Variants in MICAL2 observed in about 807,000 individuals in gnomAD.
MICAL2 encodes the protein microtubule associated monooxygenase, calponin and LIM domain containing 2, also known as [F-actin]-monooxygenase MICAL2.
In MICAL2, 77 loss-of-function variants were observed where a neutral mutation model predicts 127.3. The observed-to-expected ratio is 0.60, with a 90% CI of 0.50 to 0.73. The LOEUF is 0.73. Among genes scored for constraint, MICAL2 ranks in the 30% least tolerant of loss-of-function variants. The probability of loss-of-function intolerance (pLI) is 0.00; values close to 1 mark genes in which losing one functional copy is unlikely to be tolerated. For missense variants in MICAL2, 1,351 were observed against 1,434.4 expected (o/e 0.94, Z 0.94); for synonymous variants, 570 against 551.1 (o/e 1.03, Z -0.48).
At chr11:12,281,118 A>C (rs1863765646) in intron 2 of MICAL2, 1 of 398,460 alleles carries the variant, frequency 2.5e-6, no homozygotes, top group Non-Finnish European at 4.4e-6. Flanking sequence ...AGAGCCCACC[A>C]GGCTTGATTC....
intron 29 of MICAL2, among the ~76,000 whole-genome samples, chr11:12,314,739 G>A (rs189789321): frequency 1.3e-5 from 2 of 151,248 alleles, no homozygotes; most frequent in Admixed American, 1.3e-4. Context: ...GCCTGCCTCG[G>A]CCTCCCAAAG....
chr11:12,210,614 C>T (rs1188015840), intron 6 of MICAL2, among the ~76,000 whole-genome samples: 1 of 152,216 alleles, frequency 6.6e-6, no homozygotes, highest in African/African-American at 2.4e-5. Flanking sequence ...AATGTTTAAG[C>T]TGCCAACTTG....
rs1003671937 is a variant in MICAL2, at chr11:12,259,664, G to A, written c.3232-131G>A. On this transcript the variant is annotated intron_variant, in intron 25 of 27. Transcript: ENST00000683283. ...TTCAGCACCGGCTTCAGCATGAGTC[G>A]GGGGGCTGAGATTATTGTGGGGGCT... 2.5e-5 allele frequency: 20 copies of A among 786,324 alleles called. No homozygotes were observed. The Admixed American group carries it at 2.8e-4, about 11-fold the overall frequency. 48.7% of individuals were successfully genotyped at this position (786,324 alleles called of 1,614,324 possible).
At chr11:12,281,418 C>A (rs1863769825) in intron 2 of MICAL2, among the ~76,000 whole-genome samples, 1 of 152,144 alleles carries the variant, frequency 6.6e-6, no homozygotes, top group African/African-American at 2.4e-5. Flanking sequence ...CGCTCTCCTG[C>A]CTCCTGTATG....
At chr11:12,160,523 A>T (rs1854659293) in intron 2 of MICAL2, among the ~76,000 whole-genome samples, 1 of 152,056 alleles carries the variant, frequency 6.6e-6, no homozygotes, top group Non-Finnish European at 1.5e-5. Context: ...TGAACCTTGA[A>T]CTTGCTGTCA....
At chr11:12,172,813 T>C (rs913029124) in intron 3 of MICAL2, among the ~76,000 whole-genome samples, 3 of 151,950 alleles carry the variant, frequency 2.0e-5, no homozygotes, top group African/African-American at 7.3e-5. Context: ...GGTGCAAACT[T>C]CCCGAGGCCC....
intron 32 of MICAL2, among the ~76,000 whole-genome samples, chr11:12,332,591 T>A (rs141132547): frequency 6.6e-6 from 1 of 152,276 alleles, no homozygotes; most frequent in East Asian, 1.9e-4. Context: ...AGTTTATTAT[T>A]CACAGCATAG....
chr11:12,282,370 C>T (rs1275391040), intron 2 of MICAL2, among the ~76,000 whole-genome samples: 1 of 152,166 alleles, frequency 6.6e-6, no homozygotes, highest in Non-Finnish European at 1.5e-5. Flanking sequence ...CCTTCCATCC[C>T]CCTGGGCTCC....
intron 1 of MICAL2, among the ~76,000 whole-genome samples, chr11:12,118,596 T>C (rs1850241558): frequency 6.6e-6 from 1 of 152,158 alleles, no homozygotes; most frequent in Non-Finnish European, 1.5e-5. Context: ...TGTGTTCGAT[T>C]TGGGGGTTCA....
At chr11:12,150,378 GACCGTAC>G (rs1853434066) in intron 2 of MICAL2, among the ~76,000 whole-genome samples, 2 of 151,894 alleles carry the variant, frequency 1.3e-5, no homozygotes, top group Admixed American at 6.6e-5. Flanking sequence ...AGTGAGCCGT[GACCGTAC>G]CACTGCTCTC....
At chr11:12,230,889 G>T (rs572350473) in intron 15 of MICAL2, among the ~76,000 whole-genome samples, 2 of 152,348 alleles carry the variant, frequency 1.3e-5, no homozygotes, top group South Asian at 4.1e-4. Context: ...AAACTGGGCA[G>T]CCCATGCCTG....
chr11:12,180,335 G>GTGTATATATATATATATA (rs140219557), intron 3 of MICAL2, among the ~76,000 whole-genome samples: 1 of 126,390 alleles, frequency 7.9e-6, no homozygotes, highest in Admixed American at 7.9e-5. Context: ...TTATATACAT[G>GTGTATATATATATATATA]TATATATGTA....
chr11:12,355,767 G>C (rs58602946), intron 34 of MICAL2, among the ~76,000 whole-genome samples: 3,130 of 152,312 alleles, frequency 0.021, 118 homozygotes, highest in African/African-American at 0.072. Context: ...TTTAGGAACA[G>C]ATCACAGATC....
intron 3 of MICAL2, among the ~76,000 whole-genome samples, chr11:12,170,295 G>C (rs7948481): frequency 0.42 from 63,930 of 151,682 alleles, 14,177 homozygotes; most frequent in African/African-American, 0.57. Context: ...ACAAAAAATA[G>C]AAAAATTAGC....
chr11:12,230,233 A>T (rs1166419003), intron 15 of MICAL2, among the ~76,000 whole-genome samples: 1 of 152,082 alleles, frequency 6.6e-6, no homozygotes, highest in Non-Finnish European at 1.5e-5. Context: ...TGACCTCAAC[A>T]TTTCCCATTA....
At chr11:12,218,396 A>G (rs1280262120) in intron 8 of MICAL2, among the ~76,000 whole-genome samples, 1 of 152,058 alleles carries the variant, frequency 6.6e-6, no homozygotes, top group African/African-American at 2.4e-5. Flanking sequence ...AGCCACTAAG[A>G]GACTCCACAG....
At chr11:12,262,752 G>A (rs1269495584) in intron 27 of MICAL2, 2 of 544,496 alleles carry the variant, frequency 3.7e-6, no homozygotes, top group East Asian at 3.1e-5. Context: ...CTGGCAGCCT[G>A]GTCTACCCCA....
intron 32 of MICAL2, among the ~76,000 whole-genome samples, chr11:12,337,940 G>A (rs943131594): frequency 6.6e-6 from 1 of 152,144 alleles, no homozygotes; most frequent in Admixed American, 6.5e-5. Flanking sequence ...GTTGATTTGG[G>A]GCGGAGAGTT....
chr11:12,159,261 A>T (rs1854520430), intron 2 of MICAL2, among the ~76,000 whole-genome samples: 1 of 152,326 alleles, frequency 6.6e-6, no homozygotes, highest in Non-Finnish European at 1.5e-5. Context: ...CGGAGGAGAC[A>T]GCTTCTTCCA....
Sources: gnomAD v4.1 joint callset for allele counts (sites outside exome capture counted in the v4.1 genomes callset) on GRCh38, gnomAD v4.1.1 for gene constraint, MANE v1.5 for transcripts, NCBI Gene and HGNC (gene_info 2026-07-23, HGNC 2026-07-21) for gene names.